Variants in COMMD10 observed in about 807,000 individuals in gnomAD.
COMMD10 encodes COMM domain-containing protein 10.
COMMD10 carries 33 observed loss-of-function variants against 28.9 expected under a neutral mutation model. The observed-to-expected ratio is 1.14, with a 90% CI of 0.87 to 1.53. COMMD10 has a LOEUF of 1.53. Among genes scored for constraint, COMMD10 ranks in the 40% most tolerant of loss-of-function variants. The pLI is 0.00. For synonymous variants in COMMD10, 110 were observed against 81.7 expected (o/e 1.35, Z -1.87); for missense variants, 310 against 233.4 (o/e 1.33, Z -2.14).
intron 5 of COMMD10, among the ~76,000 whole-genome samples, chr5:116,144,265 C>T (rs1229649098): frequency 6.6e-6 from 1 of 151,790 alleles, no homozygotes; most frequent in Non-Finnish European, 1.5e-5. Context: ...TGGGAAGGAA[C>T]AGCCAAATAC....
intron 5 of COMMD10, 119 bp from the exon 6 acceptor site, chr5:116,291,398 C>T (rs1751356012): frequency 1.4e-6 from 1 of 690,298 alleles, no homozygotes; most frequent in East Asian, 2.8e-5. Flanking sequence ...AGCAGGTAAG[C>T]ATTTTTTAAA....
rs143220946 is a variant in COMMD10, at chr5:116,274,464, G to C, written c.511-17053G>C. ...ATTTACAAAAACTGAAAGTAGGTCA[G>C]ATTTTTCCCAAAAGCTGACAGCAGG... On this transcript the variant is annotated intron_variant, in intron 5 of 6. Coordinates refer to ENST00000274458, the MANE Select transcript of COMMD10 (RefSeq NM_016144.4). Among the ~76,000 whole-genome samples, 307 of 151,884 alleles carry C rather than the reference G, an allele frequency of 2.0e-3. 6 individuals are homozygous for C. Among genetic ancestry groups the C allele is most frequent in the African/African-American group, 7.1e-3 (292 of 41,256 alleles).
At chr5:116,263,112 A>G (rs1750492537) in intron 5 of COMMD10, among the ~76,000 whole-genome samples, 1 of 151,866 alleles carries the variant, frequency 6.6e-6, no homozygotes, top group South Asian at 2.1e-4. Context: ...TCACGAATAT[A>G]TAAGCCGTTT....
chr5:116,251,974 A>G (rs552633643), intron 5 of COMMD10, among the ~76,000 whole-genome samples: 20 of 114,896 alleles, frequency 1.7e-4, no homozygotes, highest in African/African-American at 8.3e-4. Flanking sequence ...TGACTTTTTA[A>G]TGATTGCCAT....
chr5:116,085,168 G>A, intron 1 of COMMD10, 75 bp downstream of exon 1: 1 of 1,419,330 alleles, frequency 7.0e-7, no homozygotes, highest in Middle Eastern at 2.2e-4. Context: ...GGCTGTCCTT[G>A]CTGCCTGCCG....
At chr5:116,262,864 G>C (rs889041300) in intron 5 of COMMD10, among the ~76,000 whole-genome samples, 1 of 151,788 alleles carries the variant, frequency 6.6e-6, no homozygotes, top group Non-Finnish European at 1.5e-5. Context: ...GCCACTGTAA[G>C]TATTATCAGG....
chr5:116,208,377 C>A (rs1376036266), intron 5 of COMMD10, among the ~76,000 whole-genome samples: 1 of 152,118 alleles, frequency 6.6e-6, no homozygotes, highest in Non-Finnish European at 1.5e-5. Flanking sequence ...TTGGAAGCTT[C>A]CTCATTTAAC....
At chr5:116,255,729 T>C (rs1750265447) in intron 5 of COMMD10, 2 of 150,852 alleles carry the variant, frequency 1.3e-5, no homozygotes, top group Admixed American at 6.6e-5. Context: ...TGAATATATA[T>C]GTATTCAGTT....
chr5:116,101,577 C>A (rs972448637), intron 4 of COMMD10, among the ~76,000 whole-genome samples: 1 of 152,090 alleles, frequency 6.6e-6, no homozygotes, highest in South Asian at 2.1e-4. Flanking sequence ...CAGGCGCACA[C>A]CACCACGCCC....
intron 5 of COMMD10, among the ~76,000 whole-genome samples, chr5:116,147,855 C>T (rs185266158): frequency 2.9e-3 from 448 of 151,874 alleles, no homozygotes; most frequent in Non-Finnish European, 4.6e-3. Context: ...CTTTGAGTGA[C>T]GTATTTAATT....
At chr5:116,134,297 T>C (rs1036617456) in intron 5 of COMMD10, 119 bp downstream of exon 5, 9 of 582,454 alleles carry the variant, frequency 1.5e-5, no homozygotes, top group Middle Eastern at 3.3e-4. Flanking sequence ...TAAACAGTTA[T>C]TAATAAGTGG....
chr5:116,238,620 A>G (rs1749738122), intron 5 of COMMD10, among the ~76,000 whole-genome samples: 1 of 152,172 alleles, frequency 6.6e-6, no homozygotes, highest in African/African-American at 2.4e-5. Context: ...GAAAATTAAA[A>G]AATATGTAGG....
At chr5:116,176,638 T>A (rs769131947) in intron 5 of COMMD10, among the ~76,000 whole-genome samples, 4 of 152,142 alleles carry the variant, frequency 2.6e-5, no homozygotes, top group Non-Finnish European at 5.9e-5. Flanking sequence ...TGTTTTCTGA[T>A]GTTGAGGGTC....
chr5:116,265,702 ATTGC>A (rs2112690401), intron 5 of COMMD10, among the ~76,000 whole-genome samples: 1 of 151,858 alleles, frequency 6.6e-6, no homozygotes, highest in South Asian at 2.1e-4. Context: ...AAGTCCTCAT[ATTGC>A]TGTCAAGTAG....
chr5:116,132,673 T>G (rs1751897714), intron 4 of COMMD10, among the ~76,000 whole-genome samples: 1 of 152,154 alleles, frequency 6.6e-6, no homozygotes, highest in Non-Finnish European at 1.5e-5. Flanking sequence ...ATGCCAGTGC[T>G]TTTTTATATA....
intron 5 of COMMD10, among the ~76,000 whole-genome samples, chr5:116,167,928 CA>C: frequency 6.6e-6 from 1 of 152,210 alleles, no homozygotes; most frequent in Non-Finnish European, 1.5e-5. Flanking sequence ...CATCAACTAA[CA>C]GGCAAAATAA....
At chr5:116,103,251 T>C (rs1034835612) in intron 4 of COMMD10, among the ~76,000 whole-genome samples, 2 of 152,214 alleles carry the variant, frequency 1.3e-5, no homozygotes, top group Admixed American at 1.3e-4. Flanking sequence ...CCACACTGTC[T>C]TCCACAATGG....
intron 5 of COMMD10, among the ~76,000 whole-genome samples, chr5:116,288,570 A>G (rs1751281723): frequency 6.6e-6 from 1 of 151,614 alleles, no homozygotes; most frequent in African/African-American, 2.4e-5. Flanking sequence ...TGGAATACCC[A>G]TCATGCATAT....
At chr5:116,260,889 T>G (rs1750423699) in intron 5 of COMMD10, among the ~76,000 whole-genome samples, 1 of 151,842 alleles carries the variant, frequency 6.6e-6, no homozygotes. Context: ...AAGTATTGTG[T>G]CTTTGTCATT....
Sources: gnomAD v4.1 joint callset for allele counts (sites outside exome capture counted in the v4.1 genomes callset) on GRCh38, gnomAD v4.1.1 for gene constraint, MANE v1.5 for transcripts, NCBI Gene and HGNC (gene_info 2026-07-23, HGNC 2026-07-21) for gene names.